The following CENATAC variants were observed in gnomAD, a reference collection of about 807,000 sequenced individuals.
The protein encoded by CENATAC is centrosomal AT-AC splicing factor.
In CENATAC, 53 loss-of-function variants were observed where a neutral mutation model predicts 53.7. The ratio of observed to expected loss-of-function variants is 0.99; its 90% CI spans 0.79 to 1.24. The LOEUF is 1.24. Among genes scored for constraint, CENATAC ranks in the 50% most tolerant of loss-of-function variants. CENATAC has a pLI of 0.00. For missense variants in CENATAC, 474 were observed against 417.8 expected (o/e 1.13, Z -1.17); for synonymous variants, 156 against 144.6 (o/e 1.08, Z -0.57).
intron 3 of CENATAC, among the ~76,000 whole-genome samples, chr11:119,001,436 G>GGGT (rs1018798666): frequency 2.6e-5 from 4 of 151,802 alleles, no homozygotes; most frequent in African/African-American, 9.7e-5. Context: ...TTGTCACCCA[G>GGGT]GGTGGAGTAC....
Position 119,015,091 on chromosome 11 carries a change from A to C in CENATAC, c.805+8A>C, listed in dbSNP as rs1026601769. 1.9e-6 allele frequency: 3 copies of C among 1,591,630 alleles called. No homozygotes were observed. Among genetic ancestry groups the C allele is most frequent in the Admixed American group, 3.5e-5 (2 of 57,840 alleles). ...AAGAATTTCTTAAAGAAAGTAAGTA[A>C]ACTAATTCAAGAGAGGATCGTCTAA... On this transcript the variant is annotated splice_region_variant and intron_variant, in intron 9 of 10. Transcript: ENST00000334418.
intron 7 of CENATAC, chr11:119,012,586 CCT>C: frequency 4.3e-6 from 1 of 230,610 alleles, no homozygotes; most frequent in South Asian, 7.4e-5. Context: ...CAGATCCTTT[CCT>C]TTTCCATCTC....
At chr11:119,010,654 T>G (rs1942825900) in intron 3 of CENATAC, 110 bp from the exon 4 acceptor site, 6 of 950,446 alleles carry the variant, frequency 6.3e-6, no homozygotes, top group Non-Finnish European at 8.3e-6. Flanking sequence ...CTATACTGTT[T>G]TGTTTCTGAA....
chr11:119,002,084 C>G (rs782062534), intron 3 of CENATAC, among the ~76,000 whole-genome samples: 3 of 150,320 alleles, frequency 2.0e-5, no homozygotes, highest in Non-Finnish European at 4.4e-5. Flanking sequence ...AATAGCTGGG[C>G]GTGTTGGTTT....
In CENATAC at chr11:119,014,977, C is replaced by G; in HGVS notation, c.716-17C>G. On this transcript the variant is annotated splice_polypyrimidine_tract_variant and intron_variant, in intron 8 of 10. Coordinates refer to ENST00000334418, the MANE Select transcript of CENATAC (RefSeq NM_198489.3). ...AAGACTTAAAAAAAAAAAAAAAAGC[C>G]TTAATTTTTTTTTCAGGTGCCACAC... 10 of 1,420,276 alleles carry G rather than the reference C, an allele frequency of 7.0e-6. No homozygotes were observed. Among genetic ancestry groups the G allele is most frequent in the South Asian group, 2.6e-5 (2 of 75,538 alleles). The allele number at this position is 1,420,276 out of a possible 1,614,324, so 88.0% of individuals were successfully genotyped here. A position where few individuals can be genotyped will look rare whatever the true frequency, so the allele number is the denominator to read the frequency against.
chr11:118,998,345 G>T, intron 1 of CENATAC, 28 bp downstream of exon 1: 1 of 1,611,348 alleles, frequency 6.2e-7, no homozygotes. Context: ...GAGATGGGAT[G>T]GGAGTGCGGG....
chr11:119,012,135 C>T lies in CENATAC; in HGVS notation c.579-14C>T. ...TCAAGGACCTCATCTGGCAGCCTGGCTCATGTTTTTCAGCCAAGTAGCTTC... is the reference window on the plus strand; with the variant it reads ...TCAAGGACCTCATCTGGCAGCCTGGTTCATGTTTTTCAGCCAAGTAGCTTC... On this transcript the variant is annotated splice_polypyrimidine_tract_variant and intron_variant, in intron 6 of 10. Coordinates refer to ENST00000334418, the MANE Select transcript of CENATAC (RefSeq NM_198489.3). 6.2e-7 allele frequency: 1 copy of T among 1,614,162 alleles called. No individual in the cohort carries two copies. Among genetic ancestry groups the T allele is most frequent in the South Asian group, 1.1e-5 (1 of 91,078 alleles).
intron 5 of CENATAC, 115 bp downstream of exon 5, chr11:119,011,398 G>C: frequency 1.0e-6 from 1 of 960,430 alleles, no homozygotes; most frequent in South Asian, 1.5e-5. Flanking sequence ...TTTGGAGACA[G>C]AGTTTCGCTG....
In CENATAC at chr11:119,015,633, C is replaced by CA; in HGVS notation, c.*38dup. The CA allele has an allele frequency of 1.9e-6, 3 of 1,604,670 alleles. No individual in the cohort carries two copies. The highest frequency in any genetic ancestry group is 2.6e-6 in the Non-Finnish European group (3 of 1,171,640). ...CTACCAACTACCATGAGGCTAAAAG[C>CA]AAAGTCAACAAACCCCTATTATACC... On this transcript the variant is annotated 3_prime_UTR_variant, in exon 11 of 11. Transcript: ENST00000334418.
At chr11:119,013,209 T>G in intron 7 of CENATAC, 23 bp from the exon 8 acceptor site, 1 of 1,597,986 alleles carries the variant, frequency 6.3e-7, no homozygotes, top group Non-Finnish European at 8.5e-7. Context: ...AACTAGCACT[T>G]TTTTTCCCAT....
intron 7 of CENATAC, 55 bp downstream of exon 7, chr11:119,012,309 C>G (rs539741249): frequency 1.3e-6 from 2 of 1,585,880 alleles, no homozygotes; most frequent in Non-Finnish European, 1.7e-6. Context: ...GTCTCAGGAC[C>G]CCTTTCTCCT....
At chr11:119,013,364 C>T (rs1324003506) in intron 8 of CENATAC, 102 bp downstream of exon 8, 2 of 797,042 alleles carry the variant, frequency 2.5e-6, no homozygotes, top group Non-Finnish European at 4.1e-6. Context: ...GGCGCAATCT[C>T]AGCTCGCTGC....
intron 3 of CENATAC, among the ~76,000 whole-genome samples, chr11:119,000,369 G>T (rs947771510): frequency 6.6e-6 from 1 of 151,230 alleles, no homozygotes; most frequent in Non-Finnish European, 1.5e-5. Context: ...AGATAAAAAG[G>T]TATTGTGCAA....
chr11:119,015,064 T>C lies in CENATAC; in HGVS notation c.786T>C (p.Tyr262=). 1 of 1,611,420 alleles carries C rather than the reference T, an allele frequency of 6.2e-7. No individual in the cohort carries two copies. Among genetic ancestry groups the C allele is most frequent in the Non-Finnish European group, 8.5e-7 (1 of 1,178,296 alleles). Residue 262 remains tyrosine, a synonymous_variant, in exon 9 of 11, where the codon TAT becomes TAC. Transcript: ENST00000334418. ...GGAACCAAGAAATAGGACCATCCTA[T>C]GAAGAATTTCTTAAAGAAAGTAAGT... ...IAGNQEIGPS[Y]EEFLKEKEKQ...
intron 3 of CENATAC, among the ~76,000 whole-genome samples, chr11:119,002,693 T>C (rs1277894371): frequency 6.6e-6 from 1 of 151,910 alleles, no homozygotes; most frequent in Non-Finnish European, 1.5e-5. Context: ...TTTTTTTTTT[T>C]TTTCTGATGG....
At chr11:119,010,632 C>A (rs1000433036) in intron 3 of CENATAC, 132 bp from the exon 4 acceptor site, 24 of 739,932 alleles carry the variant, frequency 3.2e-5, no homozygotes, top group Non-Finnish European at 4.6e-5. Context: ...GTGAGAGGTA[C>A]ATAGGTGCTT....
intron 3 of CENATAC, chr11:119,003,398 C>G: frequency 3.9e-6 from 2 of 510,260 alleles, no homozygotes; most frequent in South Asian, 2.9e-5. Flanking sequence ...CAGAGCCTTG[C>G]TTTGGCTTTA....
At chr11:119,002,794 G>T (rs1412203099) in intron 3 of CENATAC, among the ~76,000 whole-genome samples, 2 of 149,770 alleles carry the variant, frequency 1.3e-5, no homozygotes, top group Non-Finnish European at 3.0e-5. Flanking sequence ...AATATTTCAG[G>T]TTTTTTTTCA....
chr11:119,010,635 A>G, intron 3 of CENATAC, 129 bp from the exon 4 acceptor site: 1 of 754,048 alleles, frequency 1.3e-6, no homozygotes, highest in Non-Finnish European at 2.3e-6. Context: ...AGAGGTACAT[A>G]GGTGCTTACT....
Sources: allele counts gnomAD v4.1 joint callset (sites outside exome capture counted in the v4.1 genomes callset), GRCh38; gene constraint gnomAD v4.1.1; transcripts MANE v1.5; gene names NCBI Gene and HGNC (gene_info 2026-07-23, HGNC 2026-07-21).